Variants in SPRED2 observed in about 807,000 individuals in gnomAD.
The protein encoded by SPRED2 is sprouty-related, EVH1 domain-containing protein 2.
In SPRED2, 47 loss-of-function variants were observed where a neutral mutation model predicts 43.0. The ratio of observed to expected loss-of-function variants is 1.09; its 90% CI spans 0.87 to 1.40. The LOEUF is 1.40. Among genes scored for constraint, SPRED2 ranks in the 40% most tolerant of loss-of-function variants. The probability of loss-of-function intolerance (pLI) is 0.00; values close to 1 mark genes in which losing one functional copy is unlikely to be tolerated. For missense variants in SPRED2, 561 were observed against 586.4 expected, an observed-to-expected ratio of 0.96 and a Z score of 0.45; for synonymous variants, 225 against 225.7, an observed-to-expected ratio of 1.00 and a Z score of 0.03.
chr2:65,366,563 A>G, intron 1 of SPRED2: 1 of 1,548,020 alleles, frequency 6.5e-7, no homozygotes, highest in Non-Finnish European at 8.7e-7. Context: ...TGAAAAAATA[A>G]AGTTCATGTA....
chr2:65,373,405 G>T (rs2104344301), intron 1 of SPRED2, among the ~76,000 whole-genome samples: 1 of 152,358 alleles, frequency 6.6e-6, no homozygotes, highest in East Asian at 1.9e-4. Flanking sequence ...TGTCCCTGAT[G>T]CTGGATCTAA....
rs1673066304 is a variant in SPRED2 at position 65,311,495 on chromosome 2, A to G, written c.*2006T>C. On this transcript the variant is annotated 3_prime_UTR_variant, in exon 6 of 6. Coordinates refer to ENST00000356388, the MANE Select transcript of SPRED2 (RefSeq NM_181784.3). ...ATAGGGGCACTTGAACTGAGGTCTA[A>G]GGAAACGAACATTAGTGTTGTGCTT... is the stretch of plus-strand genomic sequence containing the variant. 1 of 985,786 alleles carries G rather than the reference A, an allele frequency of 1.0e-6. No homozygotes were observed. Among genetic ancestry groups the G allele is most frequent in the Admixed American group, 6.1e-5 (1 of 16,270 alleles). The allele number at this position is 985,786 out of a possible 1,614,324, so 61.1% of individuals were successfully genotyped here.
At position 65,313,632 on chromosome 2, in the gene SPRED2, G is replaced by A; in HGVS notation, c.1126C>T (p.Leu376Phe). 1 of 1,614,200 alleles carries A rather than the reference G, an allele frequency of 6.2e-7. No homozygotes were observed. Among genetic ancestry groups the A allele is most frequent in the Non-Finnish European group, 8.5e-7 (1 of 1,180,026 alleles). ...AAGGCAATAAGAGCCATCCACCGGAGGCAAAACTTCTCGTCGCTAGTATCG... is the reference window on the plus strand; with the variant it reads ...AAGGCAATAAGAGCCATCCACCGGAAGCAAAACTTCTCGTCGCTAGTATCG... ...SCDTSDEKFCLRWMALIALSF... is the reference protein window; with the variant it reads ...SCDTSDEKFCFRWMALIALSF... The change falls in exon 6 of 6, where the codon CTC becomes TTC. Residue 376 changes from leucine to phenylalanine, a missense_variant. Physicochemically the swap from Leu to Phe is conservative, Grantham distance 22. Coordinates refer to ENST00000356388, the MANE Select transcript of SPRED2 (RefSeq NM_181784.3).
At chr2:65,338,506 G>A (rs1380022505) in intron 2 of SPRED2, among the ~76,000 whole-genome samples, 3 of 151,806 alleles carry the variant, frequency 2.0e-5, no homozygotes, top group African/African-American at 7.3e-5. Context: ...CGCTGTGTTG[G>A]CCGGACTGGT....
At chr2:65,338,804 G>A (rs1415318060) in intron 2 of SPRED2, among the ~76,000 whole-genome samples, 6 of 151,496 alleles carry the variant, frequency 4.0e-5, no homozygotes, top group Admixed American at 6.6e-5. Context: ...GCCCAGTCTG[G>A]AAAGTGAGGA....
chr2:65,312,096 C>T lies in SPRED2; in HGVS notation c.*1405G>A, dbSNP rs1332709407. On this transcript the variant is annotated 3_prime_UTR_variant, in exon 6 of 6. Transcript: ENST00000356388. The stretch of plus-strand genomic sequence containing the variant: ...CCACTCTTCACTTTTCTTCTTTCTT[C>T]AATAAGAAGATTTGGCTAATCCTTG... 1.0e-6 allele frequency: 1 copy of T among 985,272 alleles called. No homozygotes were observed. The highest frequency in any genetic ancestry group is 1.2e-6 in the Non-Finnish European group (1 of 829,918). The allele number at this position is 985,272 out of a possible 1,614,324, so 61.0% of individuals were successfully genotyped here.
chr2:65,418,758 T>A (rs1159349240), intron 1 of SPRED2, among the ~76,000 whole-genome samples: 1 of 152,082 alleles, frequency 6.6e-6, no homozygotes, highest in East Asian at 1.9e-4. Flanking sequence ...TTTCACCATA[T>A]TGGCCAGGCT....
At chr2:65,383,880 AATATT>A (rs1178232244) in intron 1 of SPRED2, among the ~76,000 whole-genome samples, 2 of 152,194 alleles carry the variant, frequency 1.3e-5, no homozygotes, top group Admixed American at 1.3e-4. Flanking sequence ...TTTTTGGATG[AATATT>A]TGTTCTAGTG....
rs749770464 is a variant in SPRED2, at chr2:65,313,996, G to C, written c.762C>G (p.Phe254Leu). The change falls in exon 6 of 6, where the codon TTC becomes TTG. Residue 254 changes from phenylalanine to leucine, a missense_variant. Physicochemically the swap from Phe to Leu is conservative, Grantham distance 22. Coordinates refer to ENST00000356388, the MANE Select transcript of SPRED2 (RefSeq NM_181784.3). ...SEDADSSYVR[F>L]AKGEVPKHDY... ...CATGCTTGGGGACCTCGCCCTTGGC[G>C]AAGCGCACGTAGGAGGAGTCCGCGT... is the stretch of plus-strand genomic sequence containing the variant. 6.2e-7 allele frequency: 1 copy of C among 1,613,718 alleles called. No homozygotes were observed. Among genetic ancestry groups the C allele is most frequent in the South Asian group, 1.1e-5 (1 of 91,088 alleles).
At chr2:65,403,309 TG>T (rs1675948826) in intron 1 of SPRED2, among the ~76,000 whole-genome samples, 1 of 152,224 alleles carries the variant, frequency 6.6e-6, no homozygotes, top group African/African-American at 2.4e-5. Context: ...CTCACTCTGT[TG>T]CCCAGGCTGG....
chr2:65,335,031 G>A (rs1231518255), intron 2 of SPRED2, among the ~76,000 whole-genome samples: 1 of 152,154 alleles, frequency 6.6e-6, no homozygotes, highest in Non-Finnish European at 1.5e-5. Context: ...TCTTCCTCCT[G>A]GCTGCAGGGC....
At chr2:65,359,965 T>C (rs141149563) in intron 1 of SPRED2, among the ~76,000 whole-genome samples, 2,888 of 147,058 alleles carry the variant, frequency 0.02, 86 homozygotes, top group African/African-American at 0.069. Context: ...CTCGGGAGCC[T>C]GGGGCAGGAG....
intron 2 of SPRED2, chr2:65,344,150 A>C (rs200308305): frequency 0.27 from 42,393 of 156,784 alleles, 7,293 homozygotes; most frequent in East Asian, 0.69. Flanking sequence ...AAAAAAAAAA[A>C]AAAAAAAAAA....
intron 1 of SPRED2, among the ~76,000 whole-genome samples, chr2:65,388,018 C>T (rs1263892485): frequency 6.6e-6 from 1 of 152,154 alleles, no homozygotes; most frequent in Non-Finnish European, 1.5e-5. Flanking sequence ...GTCTCGAACT[C>T]CTGACCTCAA....
intron 1 of SPRED2, among the ~76,000 whole-genome samples, chr2:65,383,076 G>C (rs921593517): frequency 2.0e-5 from 3 of 152,260 alleles, no homozygotes; most frequent in African/African-American, 7.2e-5. Flanking sequence ...CTCTGCAAGA[G>C]TCATACAAGA....
chr2:65,362,161 T>G (rs981166598), intron 1 of SPRED2, among the ~76,000 whole-genome samples: 1 of 152,222 alleles, frequency 6.6e-6, no homozygotes, highest in African/African-American at 2.4e-5. Flanking sequence ...CTCTCAGATG[T>G]GCAGCAAAGA....
chr2:65,310,273 G>T (rs1673033636), downstream of SPRED2, among the ~76,000 whole-genome samples: 1 of 152,020 alleles, frequency 6.6e-6, no homozygotes, highest in Admixed American at 6.6e-5. Context: ...TTTCTCTAGA[G>T]AAATTTTTCT....
chr2:65,377,618 C>T (rs1675273128), intron 1 of SPRED2: 1 of 471,136 alleles, frequency 2.1e-6, no homozygotes. Context: ...CTCACCCCCT[C>T]CTTTCCTGGT....
At chr2:65,366,356 T>C (rs943746192) in intron 1 of SPRED2, among the ~76,000 whole-genome samples, 2 of 152,088 alleles carry the variant, frequency 1.3e-5, no homozygotes, top group Non-Finnish European at 2.9e-5. Flanking sequence ...TAAGGAGAAA[T>C]TTGTTTTCAG....
Sources: gnomAD v4.1 joint callset for allele counts (sites outside exome capture counted in the v4.1 genomes callset) on GRCh38, gnomAD v4.1.1 for gene constraint, MANE v1.5 for transcripts, NCBI Gene and HGNC (gene_info 2026-07-23, HGNC 2026-07-21) for gene names.